COL19A1: variants seen among roughly 807,000 people sequenced by gnomAD.
COL19A1 encodes collagen type XIX alpha 1 chain.
COL19A1 carries 159 observed loss-of-function variants against 190.2 expected under a neutral mutation model. The observed-to-expected ratio is 0.84, with a 90% CI of 0.73 to 0.95. COL19A1 has a LOEUF of 0.95. Among genes scored for constraint, COL19A1 ranks in the 40% least tolerant of loss-of-function variants. The pLI, the probability that COL19A1 is intolerant of heterozygous loss-of-function variation, is 0.00. For synonymous variants in COL19A1, 509 were observed against 458.9 expected (o/e 1.11, Z -1.39); for missense variants, 1,418 against 1,431.9 (o/e 0.99, Z 0.16).
At chr6:70,093,590 G>A (rs926865736) in intron 15 of COL19A1, among the ~76,000 whole-genome samples, 2 of 152,006 alleles carry the variant, frequency 1.3e-5, no homozygotes, top group African/African-American at 4.8e-5. Flanking sequence ...GAAGATCCAC[G>A]TTCCAAAGGG....
At position 69,957,649 on chromosome 6, in the gene COL19A1, G is replaced by A. The variant is rs982012418; in HGVS notation, c.937-2347G>A. On this transcript the variant is annotated intron_variant, in intron 9 of 50. Transcript: ENST00000620364. The stretch of plus-strand genomic sequence containing the variant: ...TCTTTCAATAATGAACTAAAGTATT[G>A]ATTGGAAGCCAAAGAAGAAGCATCT... Among the ~76,000 whole-genome samples the A allele has an allele frequency of 2.0e-5, 3 of 152,120 alleles. No homozygotes were observed. The South Asian group carries it at 6.2e-4, about 32-fold the overall frequency.
chr6:69,962,960 C>A lies in COL19A1; in HGVS notation c.1026+90C>A, dbSNP rs1018409261. On this transcript the variant is annotated intron_variant, in intron 11 of 50. Transcript: ENST00000620364. ...AAATATTTAACTTGTTTTGTGCATT[C>A]CCTATAAGCAATTCAATAATTTTAT... 4 of 924,758 alleles carry A rather than the reference C, an allele frequency of 4.3e-6. No homozygotes were observed. In the Admixed American group the frequency reaches 7.8e-5, roughly 18 times the overall value. The allele number at this position is 924,758 out of a possible 1,614,324, so 57.3% of individuals were successfully genotyped here. A position where few individuals can be genotyped will look rare whatever the true frequency, so the allele number is the denominator to read the frequency against.
intron 14 of COL19A1, among the ~76,000 whole-genome samples, chr6:70,063,842 T>C (rs775910247): frequency 1.5e-4 from 23 of 152,092 alleles, no homozygotes; most frequent in Non-Finnish European, 2.8e-4. Flanking sequence ...GAGAATACTA[T>C]AAACACCTCT....
chr6:70,128,403 G>A (rs1785328243), intron 17 of COL19A1, among the ~76,000 whole-genome samples: 1 of 152,140 alleles, frequency 6.6e-6, no homozygotes, highest in Non-Finnish European at 1.5e-5. Context: ...ACAGATGAGG[G>A]AAGACGAAGT....
rs1376653775 is a variant in COL19A1, at chr6:69,960,012, A to G, written c.953A>G (p.His318Arg). ...TTCTTTTAGGGTGAAAATGGTTTAC[A>G]TGGTGCTCCAGGATTCCCTGGTCAA... is the stretch of plus-strand genomic sequence containing the variant. The part of the protein sequence containing the change: ...HKGEPGENGL[H>R]GAPGFPGQKG... Residue 318 changes from histidine to arginine, a missense_variant, in exon 10 of 51, where the codon CAT (histidine) becomes CGT (arginine). His to Arg is a conservative substitution (Grantham distance 29). Transcript: ENST00000620364. The G allele has an allele frequency of 1.9e-6, 3 of 1,613,648 alleles. No homozygotes were observed. Among genetic ancestry groups the G allele is most frequent in the Admixed American group, 1.7e-5 (1 of 59,956 alleles).
chr6:70,191,299 A>G (rs948990018), intron 48 of COL19A1, among the ~76,000 whole-genome samples: 1 of 152,078 alleles, frequency 6.6e-6, no homozygotes, highest in Non-Finnish European at 1.5e-5. Context: ...CTCATTATGG[A>G]CTGTGTGTTT....
At chr6:70,160,419 G>A (rs1476493165) in intron 34 of COL19A1, among the ~76,000 whole-genome samples, 1 of 152,012 alleles carries the variant, frequency 6.6e-6, no homozygotes, top group African/African-American at 2.4e-5. Flanking sequence ...ATGAGATTTG[G>A]GTAGAGACTC....
chr6:70,023,498 A>G lies in COL19A1; in HGVS notation c.1027-129A>G, dbSNP rs1778551412. On this transcript the variant is annotated intron_variant, in intron 11 of 50. Coordinates refer to ENST00000620364, the MANE Select transcript of COL19A1 (RefSeq NM_001858.6). ...TTACGACTCAGGATTGTTTTTTAAT[A>G]AACGTGCCTTTCAAGGGTTTAGCAA... 5.8e-6 allele frequency: 4 copies of G among 692,046 alleles called. No homozygotes were observed. The South Asian group carries it at 8.3e-5, about 14-fold the overall frequency. The allele number at this position is 692,046 out of a possible 1,614,324, so 42.9% of individuals were successfully genotyped here.
At chr6:69,951,972 G>A (rs1396012161) in intron 9 of COL19A1, among the ~76,000 whole-genome samples, 1 of 151,840 alleles carries the variant, frequency 6.6e-6, no homozygotes, top group East Asian at 1.9e-4. Context: ...ACACAGGCAG[G>A]TCTGAATTAG....
intron 18 of COL19A1, among the ~76,000 whole-genome samples, chr6:70,135,926 G>A (rs1318909646): frequency 6.6e-6 from 1 of 152,130 alleles, no homozygotes; most frequent in Non-Finnish European, 1.5e-5. Flanking sequence ...GGAATTGTTG[G>A]TTCCAGCTGT....
At chr6:70,191,321 C>G (rs1002681984) in intron 48 of COL19A1, among the ~76,000 whole-genome samples, 1 of 152,106 alleles carries the variant, frequency 6.6e-6, no homozygotes, top group African/African-American at 2.4e-5. Flanking sequence ...TTTTTTGAAT[C>G]TAAGTGTGTG....
chr6:69,973,899 T>C (rs1377062504), intron 11 of COL19A1: 2 of 152,202 alleles, frequency 1.3e-5, no homozygotes, highest in South Asian at 2.1e-4. Flanking sequence ...TGTATAGGAA[T>C]TGCTGAACAA....
intron 14 of COL19A1, among the ~76,000 whole-genome samples, chr6:70,042,870 A>G (rs1779700547): frequency 6.6e-6 from 1 of 152,148 alleles, no homozygotes; most frequent in Non-Finnish European, 1.5e-5. Context: ...ATAAGAAGCA[A>G]CTCCTCACTT....
intron 4 of COL19A1, among the ~76,000 whole-genome samples, chr6:69,924,992 G>C (rs1424756280): frequency 1.3e-5 from 2 of 152,158 alleles, no homozygotes; most frequent in Non-Finnish European, 2.9e-5. Context: ...TTAGCCCTTT[G>C]TTAGATGAGT....
At chr6:70,133,303 A>C (rs1785637599) in intron 18 of COL19A1, among the ~76,000 whole-genome samples, 4 of 152,186 alleles carry the variant, frequency 2.6e-5, no homozygotes, top group Non-Finnish European at 5.9e-5. Flanking sequence ...CACTACAATG[A>C]AGCACCAGGA....
intron 4 of COL19A1, among the ~76,000 whole-genome samples, chr6:69,927,296 G>A (rs1473724302): frequency 6.6e-6 from 1 of 151,956 alleles, no homozygotes; most frequent in Non-Finnish European, 1.5e-5. Flanking sequence ...CATACATAAA[G>A]CAATATTAGA....
chr6:70,111,896 A>C (rs1213691819), intron 16 of COL19A1, among the ~76,000 whole-genome samples: 1 of 152,174 alleles, frequency 6.6e-6, no homozygotes, highest in African/African-American at 2.4e-5. Context: ...CCAGCTATTC[A>C]AATTGTGCAC....
chr6:70,048,524 C>T (rs185239902), intron 14 of COL19A1, among the ~76,000 whole-genome samples: 1 of 151,964 alleles, frequency 6.6e-6, no homozygotes, highest in African/African-American at 2.4e-5. Flanking sequence ...AAAAAGCAAC[C>T]AATTGGTTAA....
intron 32 of COL19A1, 36 bp from the exon 33 acceptor site, chr6:70,156,280 G>A: frequency 2.5e-6 from 4 of 1,613,040 alleles, no homozygotes; most frequent in Non-Finnish European, 2.5e-6. Context: ...TACATGTAGT[G>A]CATCCTCTCA....
Sources: allele counts gnomAD v4.1 joint callset (sites outside exome capture counted in the v4.1 genomes callset), GRCh38; gene constraint gnomAD v4.1.1; transcripts MANE v1.5; gene names NCBI Gene and HGNC (gene_info 2026-07-23, HGNC 2026-07-21).